Variants in SCFD2 observed in about 807,000 individuals in gnomAD.
SCFD2 encodes sec1 family domain-containing protein 2.
In SCFD2, 54 loss-of-function variants were observed where a neutral mutation model predicts 58.9. That is an observed-to-expected ratio of 0.92 (90% CI 0.74 to 1.15). The LOEUF is 1.15. SCFD2 is among the 50% of genes most tolerant of loss of function. The pLI, the probability that SCFD2 is intolerant of heterozygous loss-of-function variation, is 0.00. For synonymous variants in SCFD2, 321 were observed against 335.9 expected (o/e 0.96, Z 0.49); for missense variants, 805 against 836.6 (o/e 0.96, Z 0.47).
chr4:53,326,502 T>TTA (rs1553900491), intron 2 of SCFD2, among the ~76,000 whole-genome samples: 4 of 149,270 alleles, frequency 2.7e-5, no homozygotes, highest in African/African-American at 9.9e-5. Flanking sequence ...CTTAACCTGA[T>TTA]AAAAAAAAAA....
intron 2 of SCFD2, among the ~76,000 whole-genome samples, chr4:53,332,499 C>A (rs1044058199): frequency 6.6e-6 from 1 of 152,196 alleles, no homozygotes; most frequent in Non-Finnish European, 1.5e-5. Context: ...AAAAAAACCA[C>A]ATGATTATCT....
At chr4:53,200,669 T>G (rs1299661179) in intron 4 of SCFD2, among the ~76,000 whole-genome samples, 1 of 152,082 alleles carries the variant, frequency 6.6e-6, no homozygotes, top group East Asian at 1.9e-4. Flanking sequence ...GTAGACTATC[T>G]GGTTTAGAAA....
chr4:53,247,286 C>T (rs1577891062), intron 4 of SCFD2, among the ~76,000 whole-genome samples: 1 of 152,164 alleles, frequency 6.6e-6, no homozygotes, highest in African/African-American at 2.4e-5. Context: ...AAATGGAACA[C>T]TTGTACACTG....
intron 1 of SCFD2, among the ~76,000 whole-genome samples, chr4:53,363,590 T>C (rs1333908213): frequency 6.6e-6 from 1 of 151,982 alleles, no homozygotes; most frequent in African/African-American, 2.4e-5. Flanking sequence ...TCCCAGCACT[T>C]TGGGAGGCCG....
At chr4:53,065,080 T>C (rs1723618880) in intron 5 of SCFD2, among the ~76,000 whole-genome samples, 2 of 152,084 alleles carry the variant, frequency 1.3e-5, no homozygotes, top group Admixed American at 6.6e-5. Flanking sequence ...CAGAAAAATA[T>C]AGAAAGTAGA....
intron 4 of SCFD2, among the ~76,000 whole-genome samples, chr4:53,270,529 G>GAAA (rs1731130249): frequency 6.6e-6 from 1 of 152,106 alleles, no homozygotes; most frequent in Non-Finnish European, 1.5e-5. Flanking sequence ...AAGACACTTG[G>GAAA]TATCAAGTGT....
At chr4:53,351,950 T>C (rs1312212335) in intron 2 of SCFD2, among the ~76,000 whole-genome samples, 4 of 152,198 alleles carry the variant, frequency 2.6e-5, no homozygotes, top group African/African-American at 9.6e-5. Flanking sequence ...TACACTTACA[T>C]ACTTTTTTCC....
intron 5 of SCFD2, among the ~76,000 whole-genome samples, chr4:52,953,024 C>G (rs370441830): frequency 5.3e-5 from 8 of 152,130 alleles, no homozygotes; most frequent in African/African-American, 1.9e-4. Flanking sequence ...ACTTTTTCTG[C>G]TGGGTAGGGT....
chr4:52,898,468 T>G (rs549299187), intron 7 of SCFD2, among the ~76,000 whole-genome samples: 218 of 152,314 alleles, frequency 1.4e-3, no homozygotes, highest in African/African-American at 5.0e-3. Flanking sequence ...CGGTTTTGAG[T>G]GAGTTTCTTA....
intron 4 of SCFD2, among the ~76,000 whole-genome samples, chr4:53,171,366 C>T (rs1464288837): frequency 5.9e-5 from 9 of 152,200 alleles, no homozygotes; most frequent in Admixed American, 5.9e-4. Context: ...ATAAATCCAA[C>T]TTGTTCATTG....
intron 3 of SCFD2, among the ~76,000 whole-genome samples, chr4:53,290,538 C>G (rs1731806447): frequency 6.6e-6 from 1 of 151,792 alleles, no homozygotes; most frequent in Non-Finnish European, 1.5e-5. Flanking sequence ...AAATAAATAG[C>G]CTAACATTAT....
intron 5 of SCFD2, among the ~76,000 whole-genome samples, chr4:52,993,144 T>G (rs537699551): frequency 2.0e-5 from 3 of 152,162 alleles, no homozygotes; most frequent in Non-Finnish European, 2.9e-5. Context: ...CAGGGTTAAA[T>G]GGATTAAGGG....
At chr4:53,090,629 T>C (rs1724441707) in intron 5 of SCFD2, among the ~76,000 whole-genome samples, 1 of 152,192 alleles carries the variant, frequency 6.6e-6, no homozygotes, top group African/African-American at 2.4e-5. Flanking sequence ...TATTCTCAAG[T>C]GGGATCTTTA....
chr4:53,146,162 G>C (rs1314386876), intron 4 of SCFD2, among the ~76,000 whole-genome samples: 1 of 152,126 alleles, frequency 6.6e-6, no homozygotes, highest in Non-Finnish European at 1.5e-5. Flanking sequence ...TTCTTTGAGT[G>C]AGTCAGTAGA....
At chr4:52,969,250 G>T (rs756313700) in intron 5 of SCFD2, among the ~76,000 whole-genome samples, 15 of 152,186 alleles carry the variant, frequency 9.9e-5, no homozygotes, top group African/African-American at 2.4e-5. Context: ...AGACCCTATT[G>T]TGGTGGTCTG....
chr4:53,322,899 T>C (rs1317081567), intron 2 of SCFD2, among the ~76,000 whole-genome samples: 2 of 152,226 alleles, frequency 1.3e-5, no homozygotes, highest in Non-Finnish European at 2.9e-5. Context: ...GATTAATTCA[T>C]GTGTCAAGGA....
chr4:53,201,229 G>A (rs1246704617), intron 4 of SCFD2, among the ~76,000 whole-genome samples: 18 of 142,628 alleles, frequency 1.3e-4, no homozygotes, highest in South Asian at 2.3e-4. Flanking sequence ...CTGTGTCCAC[G>A]TGTTCTCATT....
rs1718405398 is a variant in SCFD2, at chr4:52,873,811, A to C, written c.*158T>G. 2 of 477,222 alleles carry C rather than the reference A, an allele frequency of 4.2e-6. No homozygotes were observed. The highest frequency in any genetic ancestry group is 9.4e-5 in the South Asian group (2 of 21,244). The allele number at this position is 477,222 out of a possible 1,614,324, so 29.6% of individuals were successfully genotyped here. On this transcript the variant is annotated 3_prime_UTR_variant, in exon 9 of 9. Transcript: ENST00000401642. ...TTAAGAATCACAGCAATCCAAGCAA[A>C]GTACCTCACTGAGTAGGTATCAAGA...
intron 8 of SCFD2, among the ~76,000 whole-genome samples, chr4:52,881,228 GAA>G (rs1487529289): frequency 6.6e-6 from 1 of 152,194 alleles, no homozygotes; most frequent in Admixed American, 6.5e-5. Flanking sequence ...CACTTTTTGT[GAA>G]AGACAGTTCA....
Sources: gnomAD v4.1 joint callset for allele counts (sites outside exome capture counted in the v4.1 genomes callset) on GRCh38, gnomAD v4.1.1 for gene constraint, MANE v1.5 for transcripts, NCBI Gene and HGNC (gene_info 2026-07-23, HGNC 2026-07-21) for gene names.